GYPE: variants seen among roughly 807,000 people sequenced by gnomAD.
GYPE encodes glycophorin E (MNS blood group), also known as glycophorin-E.
GYPE carries 8 observed loss-of-function variants against 11.6 expected under a neutral mutation model. That is an observed-to-expected ratio of 0.69 (90% CI 0.41 to 1.25). The LOEUF (loss-of-function observed/expected upper bound fraction) is 1.25. GYPE is among the 50% of genes most tolerant of loss of function. The pLI is 0.01. For synonymous variants in GYPE, 28 were observed against 29.6 expected (o/e 0.94, Z 0.18); for missense variants, 90 against 92.8 (o/e 0.97, Z 0.12).
intron 1 of GYPE, among the ~76,000 whole-genome samples, chr4:143,890,667 G>C (rs541396000): frequency 2.6e-5 from 4 of 152,130 alleles, no homozygotes; most frequent in African/African-American, 7.2e-5. Context: ...TGAGTTTCAA[G>C]GTCCATTCTT....
At chr4:143,903,521 T>C (rs1449042000) in intron 1 of GYPE, among the ~76,000 whole-genome samples, 1 of 17,278 alleles carries the variant, frequency 5.8e-5, no homozygotes, top group Non-Finnish European at 1.2e-4. Context: ...CTTTTTTTCA[T>C]AGCAAAAAAA....
intron 2 of GYPE, among the ~76,000 whole-genome samples, chr4:143,877,139 A>T (rs1743846953): frequency 6.6e-6 from 1 of 152,208 alleles, no homozygotes; most frequent in Non-Finnish European, 1.5e-5. Context: ...AGCGTTCTTC[A>T]CTAGTGTAAC....
At chr4:143,881,433 TA>T (rs1247425590) in intron 1 of GYPE, among the ~76,000 whole-genome samples, 1 of 152,064 alleles carries the variant, frequency 6.6e-6, no homozygotes. Context: ...GCACAAAGAA[TA>T]ATATAAAATT....
chr4:143,875,198 T>C (rs1743749257), intron 3 of GYPE: 1 of 309,136 alleles, frequency 3.2e-6, no homozygotes, highest in Non-Finnish European at 6.1e-6. Context: ...CCCTTCTGCA[T>C]GTTCTCTGCT....
chr4:143,904,142 T>C (rs1744971539), intron 1 of GYPE, among the ~76,000 whole-genome samples: 1 of 152,022 alleles, frequency 6.6e-6, no homozygotes, highest in Non-Finnish European at 1.5e-5. Context: ...GTAATTTTCT[T>C]TTCTCTCTGA....
intron 1 of GYPE, among the ~76,000 whole-genome samples, chr4:143,902,101 A>C: frequency 6.6e-6 from 1 of 152,072 alleles, no homozygotes; most frequent in Non-Finnish European, 1.5e-5. Flanking sequence ...ACGGGTGTTA[A>C]ATGATTTTTC....
Position 143,894,458 on chromosome 4 carries a change from T to C in GYPE, c.37+11013A>G, listed in dbSNP as rs184523188. On this transcript the variant is annotated intron_variant, in intron 1 of 3. Coordinates refer to ENST00000358615, the MANE Select transcript of GYPE (RefSeq NM_198682.3). Reference sequence around the variant, plus strand: ...TTGTGGTTTTATCTACTTTTGGTCTTTGATGATGGTGATGTACAGATGGGT... The same window carrying C: ...TTGTGGTTTTATCTACTTTTGGTCTCTGATGATGGTGATGTACAGATGGGT... Among the ~76,000 whole-genome samples the C allele has an allele frequency of 7.1e-3, 1,073 of 151,966 alleles. 13 individuals are homozygous for C. The highest frequency in any genetic ancestry group is 0.024 in the African/African-American group (998 of 41,454).
chr4:143,890,357 G>T (rs1218872914), intron 1 of GYPE, among the ~76,000 whole-genome samples: 4 of 152,162 alleles, frequency 2.6e-5, no homozygotes, highest in African/African-American at 9.7e-5. Flanking sequence ...TTAGTCTAAG[G>T]TTTGGTATTT....
chr4:143,873,036 T>C (rs1304976643), intron 3 of GYPE, among the ~76,000 whole-genome samples: 4 of 152,076 alleles, frequency 2.6e-5, no homozygotes. Flanking sequence ...TTGAAAAAAT[T>C]GCTCTGTGAA....
At position 143,871,053 on chromosome 4, in the gene GYPE, TACTC is replaced by T. The variant is rs1478079928; in HGVS notation, c.*1205_*1208del. On this transcript the variant is annotated 3_prime_UTR_variant, in exon 4 of 4. Transcript: ENST00000358615. ...AAAACTATCAGATTATGTGAGAATTTACTCACTATCATGAGAATAGCACAGGGGA... is the reference window on the plus strand; with the variant it reads ...AAAACTATCAGATTATGTGAGAATTTACTATCATGAGAATAGCACAGGGGA... 8.0e-5 allele frequency: 12 copies of T among 149,078 alleles called. No individual in the cohort carries two copies. In the East Asian group the frequency reaches 2.0e-3, roughly 25 times the overall value. 9.2% of individuals were successfully genotyped at this position (149,078 alleles called of 1,614,324 possible).
rs1337999772 is a variant in GYPE at position 143,898,952 on chromosome 4, T to C, written c.37+6519A>G. Among the ~76,000 whole-genome samples the C allele has an allele frequency of 1.6e-4, 24 of 146,870 alleles. 1 individual carries two copies. The East Asian group carries it at 4.4e-3, about 27-fold the overall frequency. On this transcript the variant is annotated intron_variant, in intron 1 of 3. Coordinates refer to ENST00000358615, the MANE Select transcript of GYPE (RefSeq NM_198682.3). ...GCCTCAAATAGCTGTACTATTCATG[T>C]TTTATGTTTTGTATTTATTTCCTTC...
At chr4:143,876,197 T>C (rs1041739553) in intron 3 of GYPE, among the ~76,000 whole-genome samples, 25 of 152,178 alleles carry the variant, frequency 1.6e-4, no homozygotes, top group African/African-American at 5.8e-4. Flanking sequence ...CACTGCAGCC[T>C]TTATTTCCCA....
intron 1 of GYPE, among the ~76,000 whole-genome samples, chr4:143,903,330 T>G (rs1352009005): frequency 6.6e-6 from 1 of 151,592 alleles, no homozygotes; most frequent in Non-Finnish European, 1.5e-5. Flanking sequence ...CTGGGCTCAG[T>G]GTCTGGTTCA....
At chr4:143,880,862 A>T (rs1200308283) in intron 1 of GYPE, among the ~76,000 whole-genome samples, 7 of 152,292 alleles carry the variant, frequency 4.6e-5, no homozygotes, top group Admixed American at 2.6e-4. Flanking sequence ...TGTGATGTGC[A>T]TGTGTTAGTA....
chr4:143,903,966 C>T (rs1274710225), intron 1 of GYPE, among the ~76,000 whole-genome samples: 3 of 152,088 alleles, frequency 2.0e-5, no homozygotes, highest in African/African-American at 4.8e-5. Flanking sequence ...TGGAGCAACA[C>T]AAAGAATACA....
At chr4:143,896,513 GC>G in intron 1 of GYPE, among the ~76,000 whole-genome samples, 1 of 152,312 alleles carries the variant, frequency 6.6e-6, no homozygotes, top group East Asian at 1.9e-4. Context: ...AACAACAGGT[GC>G]TGGAGAGGAT....
At chr4:143,897,809 C>T (rs1436934305) in intron 1 of GYPE, among the ~76,000 whole-genome samples, 1 of 151,866 alleles carries the variant, frequency 6.6e-6, no homozygotes, top group Non-Finnish European at 1.5e-5. Flanking sequence ...TATATGTGTG[C>T]TGAACCACTA....
At chr4:143,885,243 A>G (rs1186685378) in intron 1 of GYPE, among the ~76,000 whole-genome samples, 1 of 152,142 alleles carries the variant, frequency 6.6e-6, no homozygotes. Context: ...TGGCACTTTA[A>G]TTATTTTAAT....
chr4:143,905,167 AT>A (rs528318347), intron 1 of GYPE, among the ~76,000 whole-genome samples: 337 of 152,318 alleles, frequency 2.2e-3, no homozygotes, highest in East Asian at 1.9e-3. Flanking sequence ...AAAGCAATAC[AT>A]TTATTCACAG....
Sources: gnomAD v4.1 joint callset for allele counts (sites outside exome capture counted in the v4.1 genomes callset) on GRCh38, gnomAD v4.1.1 for gene constraint, MANE v1.5 for transcripts, NCBI Gene and HGNC (gene_info 2026-07-23, HGNC 2026-07-21) for gene names.